The following CDH9 variants were observed in gnomAD, a reference collection of about 807,000 sequenced individuals.
CDH9 encodes cadherin-9.
In CDH9, 28 loss-of-function variants were observed where a neutral mutation model predicts 70.9. The ratio of observed to expected loss-of-function variants is 0.40; its 90% confidence interval spans 0.29 to 0.54. The LOEUF is 0.54. Ranked by LOEUF, CDH9 falls within the 20% of genes least tolerant of loss-of-function variation. The probability of loss-of-function intolerance (pLI) is 0.59; values close to 1 mark genes in which losing one functional copy is unlikely to be tolerated. For synonymous variants in CDH9, 409 were observed against 343.1 expected (o/e 1.19, Z -2.12); for missense variants, 874 against 984.4 (o/e 0.89, Z 1.50).
At chr5:26,900,437 T>G (rs1246796111) in intron 7 of CDH9, among the ~76,000 whole-genome samples, 1 of 152,094 alleles carries the variant, frequency 6.6e-6, no homozygotes, top group East Asian at 1.9e-4. Context: ...AGTGACTAAG[T>G]GGCTAATTTA....
intron 3 of CDH9, among the ~76,000 whole-genome samples, chr5:26,913,772 TG>T (rs1360308977): frequency 3.3e-5 from 5 of 151,344 alleles, no homozygotes; most frequent in Non-Finnish European, 7.4e-5. Context: ...TGTGTGTGTG[TG>T]TGTGTGTGTG....
At chr5:26,942,652 T>C (rs1561203148) in intron 2 of CDH9, among the ~76,000 whole-genome samples, 1 of 152,170 alleles carries the variant, frequency 6.6e-6, no homozygotes, top group Non-Finnish European at 1.5e-5. Context: ...TGATTCATGA[T>C]ATGCTGTTTA....
chr5:26,949,371 G>A (rs1467178733), intron 2 of CDH9, among the ~76,000 whole-genome samples: 2 of 152,214 alleles, frequency 1.3e-5, no homozygotes, highest in African/African-American at 4.8e-5. Context: ...TTAGGTGGAA[G>A]AAAATGTAAT....
At chr5:26,888,134 A>G (rs10472562) in intron 9 of CDH9, among the ~76,000 whole-genome samples, 13,670 of 152,230 alleles carry the variant, frequency 0.09, 783 homozygotes, top group African/African-American at 0.17. Context: ...AAGAATTCAC[A>G]CTAAAAGTGT....
intron 4 of CDH9, 61 bp from the exon 5 acceptor site, chr5:26,906,187 G>T: frequency 1.4e-6 from 2 of 1,406,626 alleles, no homozygotes; most frequent in Non-Finnish European, 2.0e-6. Flanking sequence ...AATTAAGCTA[G>T]ACAAGACTCA....
rs796793204 is a variant in CDH9, at chr5:27,021,083, T to C, written c.-50+17380A>G. Among the ~76,000 whole-genome samples, 8 of 151,898 alleles carry C rather than the reference T, an allele frequency of 5.3e-5. 2 individuals are homozygous for C. The highest frequency in any genetic ancestry group is 1.9e-4 in the African/African-American group (8 of 41,528). On this transcript the variant is annotated intron_variant, in intron 1 of 11. Coordinates refer to ENST00000231021, the MANE Select transcript of CDH9 (RefSeq NM_016279.4). ...TTATAGAGTTTAATCATGGAATAAA[T>C]ATTGACTCAAATATTATAAAATGCC...
intron 2 of CDH9, among the ~76,000 whole-genome samples, chr5:26,932,754 T>A (rs1032046654): frequency 2.0e-5 from 3 of 151,916 alleles, no homozygotes; most frequent in African/African-American, 7.2e-5. Context: ...AAATAAATTA[T>A]TGTCTTATTG....
At chr5:26,884,083 A>C (rs1169602453) in intron 11 of CDH9, among the ~76,000 whole-genome samples, 1 of 152,108 alleles carries the variant, frequency 6.6e-6, no homozygotes, top group African/African-American at 2.4e-5. Context: ...AATAATAAAA[A>C]ATTACTCCAC....
At chr5:27,018,771 T>A (rs943317529) in intron 1 of CDH9, among the ~76,000 whole-genome samples, 11 of 151,946 alleles carry the variant, frequency 7.2e-5, no homozygotes, top group African/African-American at 2.7e-4. Context: ...GGGTAGTACC[T>A]CTTGGTTAGG....
Position 26,985,064 on chromosome 5 carries a change from G to T in CDH9, c.228+3042C>A, listed in dbSNP as rs140055022. Among the ~76,000 whole-genome samples the T allele has an allele frequency of 9.5e-3, 1,440 of 152,128 alleles. 26 individuals carry two copies. Among genetic ancestry groups the T allele is most frequent in the African/African-American group, 0.033 (1,363 of 41,516 alleles). On this transcript the variant is annotated intron_variant, in intron 2 of 11. Coordinates refer to ENST00000231021, the MANE Select transcript of CDH9 (RefSeq NM_016279.4). ...TCTGTGCTCCCAACATAACTGATTT[G>T]TACAAAGGCTTTTAACAGATTATTT...
intron 1 of CDH9, among the ~76,000 whole-genome samples, chr5:26,999,220 G>A (rs555501307): frequency 1.5e-4 from 23 of 151,952 alleles, no homozygotes; most frequent in Admixed American, 2.6e-4. Flanking sequence ...GCCTGGTGAC[G>A]GAGCGAGACT....
Position 26,923,477 on chromosome 5 carries a change from G to A in CDH9, c.229-7553C>T, listed in dbSNP as rs2170038. 1.3e-5 allele frequency among the ~76,000 whole-genome samples: 2 copies of A among 151,996 alleles called. 1 individual carries two copies. The highest frequency in any genetic ancestry group is 6.8e-3 in the Middle Eastern group (2 of 292). On this transcript the variant is annotated intron_variant, in intron 2 of 11. Coordinates refer to ENST00000231021, the MANE Select transcript of CDH9 (RefSeq NM_016279.4). ...ACAGATCTTAATACAATAATAGCTA[G>A]AGACTTCAACACACCACTGTCAGCA...
intron 2 of CDH9, among the ~76,000 whole-genome samples, chr5:26,970,110 A>G (rs1174823913): frequency 6.6e-6 from 1 of 151,284 alleles, no homozygotes; most frequent in Non-Finnish European, 1.5e-5. Flanking sequence ...AGTTAAATAA[A>G]TGGTGTAATT....
intron 1 of CDH9, chr5:27,028,372 T>A (rs1429047828): frequency 8.7e-5 from 13 of 150,180 alleles, no homozygotes; most frequent in African/African-American, 3.2e-4. Context: ...GAATGAGACC[T>A]GTCTCAAAAA....
At chr5:26,931,449 A>G (rs1741460432) in intron 2 of CDH9, among the ~76,000 whole-genome samples, 1 of 152,194 alleles carries the variant, frequency 6.6e-6, no homozygotes, top group Non-Finnish European at 1.5e-5. Context: ...AAAATACAGA[A>G]AGAGGTGAAA....
intron 9 of CDH9, among the ~76,000 whole-genome samples, chr5:26,887,271 A>G (rs925036194): frequency 1.3e-5 from 2 of 151,970 alleles, no homozygotes; most frequent in African/African-American, 4.8e-5. Context: ...CTGTTCCTAC[A>G]TAGCAATAAC....
chr5:27,001,100 CCT>C (rs1341091432), intron 1 of CDH9, among the ~76,000 whole-genome samples: 1 of 151,904 alleles, frequency 6.6e-6, no homozygotes, highest in Non-Finnish European at 1.5e-5. Flanking sequence ...TATGAATGAA[CCT>C]TAATGTATAC....
At chr5:26,941,914 T>C (rs148660214) in intron 2 of CDH9, among the ~76,000 whole-genome samples, 168 of 152,274 alleles carry the variant, frequency 1.1e-3, no homozygotes, top group African/African-American at 3.8e-3. Context: ...ATGGGAACTC[T>C]CTGCAGAGTG....
chr5:26,918,269 G>T lies in CDH9; in HGVS notation c.229-2345C>A, dbSNP rs1330906894. ...TGTATTTTCCTCTAACTAAGTATTT[G>T]TCATATTTCATTTTACAATTTCCTC... On this transcript the variant is annotated intron_variant, in intron 2 of 11. Transcript: ENST00000231021. Among the ~76,000 whole-genome samples the T allele has an allele frequency of 2.0e-5, 3 of 151,646 alleles. No homozygotes were observed. The East Asian group carries it at 5.8e-4, about 29-fold the overall frequency.
Sources: gnomAD v4.1 joint callset for allele counts (sites outside exome capture counted in the v4.1 genomes callset) on GRCh38, gnomAD v4.1.1 for gene constraint, MANE v1.5 for transcripts, NCBI Gene and HGNC (gene_info 2026-07-23, HGNC 2026-07-21) for gene names.